The following PCYT1B variants were observed in gnomAD, a reference collection of about 807,000 sequenced individuals.
The protein encoded by PCYT1B is choline-phosphate cytidylyltransferase B.
In PCYT1B, 10 loss-of-function variants were observed where a neutral mutation model predicts 26.4. That is an observed-to-expected ratio of 0.38 (90% CI 0.23 to 0.64). The LOEUF (loss-of-function observed/expected upper bound fraction) is 0.64. Ranked by LOEUF, PCYT1B falls within the 30% of genes least tolerant of loss-of-function variation. PCYT1B has a pLI of 0.56. For synonymous variants in PCYT1B, 131 were observed against 108.4 expected (o/e 1.21, Z -1.29); for missense variants, 161 against 292.7 (o/e 0.55, Z 3.28).
At chrX:24,662,282 A>G (rs916042586) in intron 1 of PCYT1B, among the ~76,000 whole-genome samples, 1 of 112,519 alleles carries the variant, frequency 8.9e-6, no homozygotes, top group African/African-American at 3.2e-5. Flanking sequence ...TGGGGAGTGG[A>G]TAGAATCAGT....
At chrX:24,652,767 A>G (rs1926810808) in intron 1 of PCYT1B, among the ~76,000 whole-genome samples, 1 of 110,568 alleles carries the variant, frequency 9.0e-6, no homozygotes, top group South Asian at 3.9e-4. Context: ...CAGTCCTCAC[A>G]TCAACGTCAT....
At chrX:24,602,056 T>C (rs896594575) in intron 3 of PCYT1B, among the ~76,000 whole-genome samples, 3 of 112,681 alleles carry the variant, frequency 2.7e-5, no homozygotes, top group African/African-American at 9.7e-5. Flanking sequence ...TGGATGCTTA[T>C]AGCAACTTTA....
intron 4 of PCYT1B, 74 bp downstream of exon 4, chrX:24,589,949 C>G (rs763981487): frequency 1.1e-6 from 1 of 887,106 alleles, no homozygotes; most frequent in African/African-American, 2.0e-5. Flanking sequence ...AGACTTTGGG[C>G]TTTCCGTAGT....
chrX:24,609,384 T>C (rs1228591989), intron 2 of PCYT1B, among the ~76,000 whole-genome samples: 4 of 111,542 alleles, frequency 3.6e-5, no homozygotes, highest in African/African-American at 1.3e-4. Flanking sequence ...GTGGCCAGGC[T>C]GGTCTTAAAC....
At chrX:24,584,338 G>A (rs1337784611) in intron 5 of PCYT1B, among the ~76,000 whole-genome samples, 1 of 111,629 alleles carries the variant, frequency 9.0e-6, no homozygotes, top group Non-Finnish European at 1.9e-5. Context: ...CATAAATTAA[G>A]TAAGTAAAGT....
intron 2 of PCYT1B, among the ~76,000 whole-genome samples, chrX:24,618,379 T>C (rs1047469866): frequency 2.7e-5 from 3 of 112,182 alleles, no homozygotes; most frequent in African/African-American, 9.7e-5. Flanking sequence ...TTGTTATCCC[T>C]GTTTTAAGGA....
intron 1 of PCYT1B, among the ~76,000 whole-genome samples, chrX:24,637,814 A>G (rs752044598): frequency 1.5e-4 from 17 of 110,071 alleles, no homozygotes; most frequent in African/African-American, 5.7e-4. Context: ...CACAGTGCCC[A>G]ATACAGTGTG....
intron 2 of PCYT1B, among the ~76,000 whole-genome samples, chrX:24,609,674 A>G (rs1925247857): frequency 8.9e-6 from 1 of 112,474 alleles, no homozygotes; most frequent in Non-Finnish European, 1.9e-5. Context: ...TGGATGAGAG[A>G]TGTCAACAAC....
Position 24,562,059 on chromosome X carries a change from C to T in PCYT1B, c.*234G>A, listed in dbSNP as rs746675291. On this transcript the variant is annotated 3_prime_UTR_variant, in exon 8 of 8. Coordinates refer to ENST00000379144, the MANE Select transcript of PCYT1B (RefSeq NM_004845.5). Reference sequence around the variant, plus strand: ...TTAGCAAGGTTAGAGTGACTCTAGACGCTAAGGTTTGTGTAGGTTGTCCAG... The same window carrying T: ...TTAGCAAGGTTAGAGTGACTCTAGATGCTAAGGTTTGTGTAGGTTGTCCAG... 9.7e-5 allele frequency: 116 copies of T among 1,194,917 alleles called. 1 individual carries two copies. Among genetic ancestry groups the T allele is most frequent in the Middle Eastern group, 9.3e-4 (4 of 4,309 alleles).
Position 24,562,312 on chromosome X carries a change from C to T in PCYT1B, c.1091G>A (p.Gly364Glu). 1.7e-6 allele frequency: 2 copies of T among 1,159,959 alleles called. No individual in the cohort carries two copies. The highest frequency in any genetic ancestry group is 2.3e-6 in the Non-Finnish European group (2 of 869,538). The change falls in exon 8 of 8, where the codon GGG becomes GAG. Residue 364 changes from glycine to glutamate, a missense_variant. Gly to Glu is a moderately conservative substitution (Grantham distance 98). Around this residue, in one of 4 missense-constraint regions of PCYT1B, gnomAD observed 38 missense variants for 55.9 expected, o/e 0.68. Transcript: ENST00000379144. ...ASASISSMSE[G>E]DEDEK The stretch of plus-strand genomic sequence containing the variant: ...CAGCCTCTACTTTTCATCCTCATCC[C>T]CCTCGCTCATGCTGCTGATAGAGGC...
intron 1 of PCYT1B, among the ~76,000 whole-genome samples, chrX:24,670,156 A>G (rs749390059): frequency 1.3e-5 from 1 of 74,960 alleles, no homozygotes; most frequent in Non-Finnish European, 2.9e-5. Context: ...AAGGAAGGAA[A>G]TGGGAATATA....
chrX:24,629,579 A>AAAC (rs1925991718), intron 1 of PCYT1B, among the ~76,000 whole-genome samples: 1 of 100,100 alleles, frequency 1.0e-5, no homozygotes, highest in African/African-American at 3.5e-5. Context: ...AAAAAAAAAA[A>AAAC]AAAAAAAAAA....
chrX:24,637,166 G>T (rs1926296977), intron 1 of PCYT1B, among the ~76,000 whole-genome samples: 1 of 109,760 alleles, frequency 9.1e-6, no homozygotes, highest in African/African-American at 3.3e-5. Flanking sequence ...CAGCAGATAT[G>T]ACTGGGAGGG....
chrX:24,656,550 C>T (rs867387024), intron 1 of PCYT1B, among the ~76,000 whole-genome samples: 1 of 72,994 alleles, frequency 1.4e-5, no homozygotes, highest in African/African-American at 5.5e-5. Flanking sequence ...TTCTTTTTTT[C>T]CTTTTTTTTT....
intron 7 of PCYT1B, among the ~76,000 whole-genome samples, chrX:24,570,405 C>T (rs1923787520): frequency 9.3e-6 from 1 of 107,361 alleles, no homozygotes; most frequent in African/African-American, 3.4e-5. Flanking sequence ...AGCCGTGTAC[C>T]ACCATGCCTG....
At position 24,589,957 on chromosome X, in the gene PCYT1B, A is replaced by G; in HGVS notation, c.486+66T>C. On this transcript the variant is annotated intron_variant, in intron 4 of 7. Transcript: ENST00000379144. ...TTGAGAGAGACTTTGGGCTTTCCGT[A>G]GTCTTGGCTGCAGAACCAGACTCCC... is the stretch of plus-strand genomic sequence containing the variant. The G allele has an allele frequency of 4.3e-6, 4 of 940,607 alleles. No homozygotes were observed. In the South Asian group the frequency reaches 1.0e-4, roughly 23 times the overall value. The allele number at this position is 940,607 out of a possible 1,213,427, so 77.5% of individuals were successfully genotyped here. A position where few individuals can be genotyped will look rare whatever the true frequency, so the allele number is the denominator to read the frequency against.
At chrX:24,574,648 C>A (rs112973164) in intron 7 of PCYT1B, among the ~76,000 whole-genome samples, 4 of 111,610 alleles carry the variant, frequency 3.6e-5, no homozygotes, top group Admixed American at 9.6e-5. Flanking sequence ...AGGAGGGCTC[C>A]TCACAAGAAA....
At chrX:24,651,818 A>G (rs770077800), upstream of PCYT1B, among the ~76,000 whole-genome samples, 1 of 109,638 alleles carries the variant, frequency 9.1e-6, no homozygotes, top group African/African-American at 3.3e-5. Context: ...CCAACCCTAT[A>G]TTAGTCTTAT....
intron 5 of PCYT1B, among the ~76,000 whole-genome samples, chrX:24,583,959 G>A (rs1401118077): frequency 8.9e-6 from 1 of 112,282 alleles, no homozygotes; most frequent in African/African-American, 3.2e-5. Flanking sequence ...AGTTTCATAA[G>A]CACTGGTCTA....
Sources: allele counts gnomAD v4.1 joint callset (sites outside exome capture counted in the v4.1 genomes callset), GRCh38; gene constraint gnomAD v4.1.1; regional missense constraint gnomAD v4.1.1; transcripts MANE v1.5; gene names NCBI Gene and HGNC (gene_info 2026-07-23, HGNC 2026-07-21).